LRCH1: variants seen among roughly 807,000 people sequenced by gnomAD.
The protein encoded by LRCH1 is leucine rich repeats and calponin homology domain containing 1, also known as leucine-rich repeat and calponin homology domain-containing protein 1.
In LRCH1, 23 loss-of-function variants were observed where a neutral mutation model predicts 94.9. The ratio of observed to expected loss-of-function variants is 0.24; its 90% CI spans 0.17 to 0.34. LRCH1 has a LOEUF of 0.34. Among genes scored for constraint, LRCH1 ranks in the 10% least tolerant of loss-of-function variants. The pLI, the probability that LRCH1 is intolerant of heterozygous loss-of-function variation, is 1.00. For synonymous variants in LRCH1, 364 were observed against 354.9 expected (o/e 1.03, Z -0.29); for missense variants, 790 against 945.9 (o/e 0.84, Z 2.16).
At chr13:46,574,093 C>T (rs1197636628) in intron 1 of LRCH1, among the ~76,000 whole-genome samples, 2 of 151,298 alleles carry the variant, frequency 1.3e-5, no homozygotes, top group Admixed American at 6.6e-5. Flanking sequence ...TCAGGTGATC[C>T]GCCTGCCTCG....
chr13:46,741,237 G>A (rs908095140), intron 19 of LRCH1, among the ~76,000 whole-genome samples: 4 of 152,192 alleles, frequency 2.6e-5, no homozygotes. Flanking sequence ...AGTGGGGGTA[G>A]GGATTCCATT....
At chr13:46,573,868 T>TATATATATATATATATATATATA (rs1374087114) in intron 1 of LRCH1, among the ~76,000 whole-genome samples, 9 of 40,460 alleles carry the variant, frequency 2.2e-4, no homozygotes, top group East Asian at 2.5e-3. Flanking sequence ...ATATATATAT[T>TATATATATATATATATATATATA]TTTTTTTTTT....
chr13:46,664,416 G>A (rs867561373), intron 2 of LRCH1, among the ~76,000 whole-genome samples: 23 of 152,102 alleles, frequency 1.5e-4, no homozygotes, highest in African/African-American at 5.6e-4. Flanking sequence ...GTTTAGATGT[G>A]TTTAGATACA....
At chr13:46,655,260 T>G (rs773575742) in intron 2 of LRCH1, among the ~76,000 whole-genome samples, 2 of 152,204 alleles carry the variant, frequency 1.3e-5, no homozygotes, top group African/African-American at 4.8e-5. Context: ...GCCAACAACC[T>G]CTAGTCCTAA....
chr13:46,715,762 C>G, intron 16 of LRCH1, 98 bp downstream of exon 16: 3 of 748,258 alleles, frequency 4.0e-6, no homozygotes, highest in Non-Finnish European at 6.8e-6. Context: ...AGTATATTCA[C>G]CTGCATGCTT....
chr13:46,591,558 G>A (rs2050499431), intron 1 of LRCH1, among the ~76,000 whole-genome samples: 2 of 152,228 alleles, frequency 1.3e-5, no homozygotes, highest in South Asian at 2.1e-4. Flanking sequence ...GTGAGAGCTT[G>A]AGGGTAACCC....
chr13:46,628,584 G>A (rs1026574575), intron 1 of LRCH1, among the ~76,000 whole-genome samples: 8 of 149,456 alleles, frequency 5.4e-5, no homozygotes, highest in Admixed American at 2.0e-4. Flanking sequence ...TTGAACTTGG[G>A]AGGCAGAGGT....
chr13:46,646,316 T>C (rs762023135), intron 1 of LRCH1, among the ~76,000 whole-genome samples: 1 of 152,178 alleles, frequency 6.6e-6, no homozygotes, highest in Non-Finnish European at 1.5e-5. Context: ...TATCATAATA[T>C]GTATATATTA....
At chr13:46,681,701 A>G (rs1195259079) in intron 3 of LRCH1, 40 bp from the exon 4 acceptor site, 2 of 1,371,570 alleles carry the variant, frequency 1.5e-6, no homozygotes, top group African/African-American at 1.4e-5. Context: ...GATTTCCTGG[A>G]AAAAGATGTT....
intron 2 of LRCH1, among the ~76,000 whole-genome samples, chr13:46,652,206 A>G (rs965905741): frequency 6.6e-6 from 1 of 152,012 alleles, no homozygotes; most frequent in African/African-American, 2.4e-5. Flanking sequence ...CCTACTGAGT[A>G]GCTGGGACTA....
chr13:46,639,503 T>C (rs915293141), intron 1 of LRCH1, among the ~76,000 whole-genome samples: 2 of 152,190 alleles, frequency 1.3e-5, no homozygotes, highest in African/African-American at 4.8e-5. Context: ...AGTCAGGCAA[T>C]AAGGTATTTG....
intron 1 of LRCH1, among the ~76,000 whole-genome samples, chr13:46,568,952 C>T (rs778733710): frequency 2.6e-5 from 4 of 152,124 alleles, no homozygotes; most frequent in Non-Finnish European, 5.9e-5. Flanking sequence ...TGCCTGGTGC[C>T]GATTCCTGAC....
chr13:46,664,740 T>A (rs1488257501), intron 2 of LRCH1, among the ~76,000 whole-genome samples: 1 of 152,230 alleles, frequency 6.6e-6, no homozygotes, highest in East Asian at 1.9e-4. Flanking sequence ...AATCTTTATA[T>A]ATGGATGTGG....
intron 2 of LRCH1, among the ~76,000 whole-genome samples, chr13:46,668,623 A>G (rs2051553106): frequency 6.6e-6 from 1 of 151,220 alleles, no homozygotes; most frequent in African/African-American, 2.4e-5. Flanking sequence ...ACACATTGTC[A>G]GGAGAGGGCA....
Position 46,592,178 on chromosome 13 carries a change from A to G in LRCH1, c.307+38475A>G, listed in dbSNP as rs375097698. 2.0e-5 allele frequency among the ~76,000 whole-genome samples: 3 copies of G among 152,176 alleles called. No homozygotes were observed. The East Asian group carries it at 5.8e-4, about 29-fold the overall frequency. ...ACGGCGCCTCGTGGAGGACTCCATT[A>G]ATGAGGAATCATGGTCTCCTGACTT... On this transcript the variant is annotated intron_variant, in intron 1 of 19. Transcript: ENST00000389797.
intron 18 of LRCH1, among the ~76,000 whole-genome samples, chr13:46,730,843 A>T (rs1187256285): frequency 1.3e-5 from 2 of 152,240 alleles, no homozygotes; most frequent in Non-Finnish European, 2.9e-5. Flanking sequence ...ATTTCAATGT[A>T]CAATGATCAT....
exon 19 of LRCH1, chr13:46,750,626 C>G: frequency 1.3e-6 from 2 of 1,551,490 alleles, no homozygotes; most frequent in Non-Finnish European, 1.7e-6. Flanking sequence ...TAGACATCAC[C>G]GTAACGAAGG....
intron 2 of LRCH1, among the ~76,000 whole-genome samples, chr13:46,654,168 C>T (rs2051341709): frequency 6.6e-6 from 1 of 152,128 alleles, no homozygotes; most frequent in Admixed American, 6.5e-5. Context: ...TGAGTAGTAT[C>T]ATCCACATGA....
chr13:46,596,737 T>C (rs1467672116), intron 1 of LRCH1, among the ~76,000 whole-genome samples: 1 of 152,194 alleles, frequency 6.6e-6, no homozygotes, highest in Non-Finnish European at 1.5e-5. Context: ...CAGCTTGCGA[T>C]TGGATCAAAG....
Sources: gnomAD v4.1 joint callset for allele counts (sites outside exome capture counted in the v4.1 genomes callset) on GRCh38, gnomAD v4.1.1 for gene constraint, MANE v1.5 for transcripts, NCBI Gene and HGNC (gene_info 2026-07-23, HGNC 2026-07-21) for gene names.